NHEJ1: variants seen among roughly 807,000 people sequenced by gnomAD.
The protein encoded by NHEJ1 is non-homologous end-joining factor 1.
Under a neutral mutation model 39.4 loss-of-function variants are expected in NHEJ1, and 22 were observed. The ratio of observed to expected loss-of-function variants is 0.56; its 90% CI spans 0.40 to 0.80. The LOEUF (loss-of-function observed/expected upper bound fraction) is 0.80. Ranked by LOEUF, NHEJ1 falls within the 30% of genes least tolerant of loss-of-function variation. The pLI is 0.00. For missense variants in NHEJ1, 329 were observed against 357.1 expected (o/e 0.92, Z 0.63); for synonymous variants, 154 against 135.6 (o/e 1.14, Z -0.94).
In NHEJ1 at chr2:219,079,313, C is replaced by T. The variant is rs375835368; in HGVS notation, c.589-1107G>A. Among the ~76,000 whole-genome samples, 240 of 152,278 alleles carry T rather than the reference C, an allele frequency of 1.6e-3. 2 individuals are homozygous for T. Among genetic ancestry groups the T allele is most frequent in the African/African-American group, 5.6e-3 (231 of 41,536 alleles). Reference sequence around the variant, plus strand: ...AGCAGGTCCCCAAGAGCAGCCATGCCAGCAGCTCACATGAGAACCAACCCA... The same window carrying T: ...AGCAGGTCCCCAAGAGCAGCCATGCTAGCAGCTCACATGAGAACCAACCCA... On this transcript the variant is annotated intron_variant, in intron 5 of 7. Coordinates refer to ENST00000356853, the MANE Select transcript of NHEJ1 (RefSeq NM_024782.3).
At chr2:219,126,878 A>C (rs1037258368) in intron 5 of NHEJ1, among the ~76,000 whole-genome samples, 1 of 152,262 alleles carries the variant, frequency 6.6e-6, no homozygotes. Context: ...GGCATGTGCC[A>C]AGGACTAGAG....
At chr2:219,146,855 G>C (rs752989819) in intron 4 of NHEJ1, 117 bp from the exon 5 acceptor site, 68 of 786,782 alleles carry the variant, frequency 8.6e-5, no homozygotes, top group Non-Finnish European at 1.3e-4. Flanking sequence ...GCATCATGCA[G>C]AGACACCTAG....
chr2:219,072,281 A>G lies in NHEJ1; in HGVS notation c.*4100T>C, dbSNP rs891707532. 1.3e-5 allele frequency among the ~76,000 whole-genome samples: 2 copies of G among 152,184 alleles called. No homozygotes were observed. Among genetic ancestry groups the G allele is most frequent in the East Asian group, 3.9e-4 (2 of 5,192 alleles). ...ATGCAGCTGGGAACCCCCCTCCTAT[A>G]AAGTATGGGCTTCCTTCTCTTCCTG... On this transcript the variant is annotated 3_prime_UTR_variant, in exon 8 of 8. Coordinates refer to ENST00000356853, the MANE Select transcript of NHEJ1 (RefSeq NM_024782.3).
chr2:219,155,141 A>G (rs938023565), intron 3 of NHEJ1, among the ~76,000 whole-genome samples: 2 of 151,752 alleles, frequency 1.3e-5, no homozygotes, highest in Non-Finnish European at 2.9e-5. Context: ...TTCTAGGTCC[A>G]TGTAATGCAA....
chr2:219,133,923 C>T (rs965733787), intron 5 of NHEJ1, among the ~76,000 whole-genome samples: 13 of 152,242 alleles, frequency 8.5e-5, no homozygotes, highest in Admixed American at 4.6e-4. Context: ...TTCCCTTCAT[C>T]GGCATAAGTT....
intron 5 of NHEJ1, chr2:219,125,632 G>A (rs1574727302): frequency 6.6e-6 from 1 of 152,308 alleles, no homozygotes; most frequent in East Asian, 1.9e-4. Flanking sequence ...GACAAAGAGT[G>A]TCTGGGTCCT....
At chr2:219,159,508 TAA>T (rs1231660392) in intron 1 of NHEJ1, among the ~76,000 whole-genome samples, 1 of 98,070 alleles carries the variant, frequency 1.0e-5, no homozygotes, top group Non-Finnish European at 2.5e-5. Context: ...ACTTGTGACA[TAA>T]CTTTATATAT....
rs1430712125 is a variant in NHEJ1 at position 219,146,721 on chromosome 2, GT to G, written c.546del (p.Glu182AspfsTer13). On this transcript the variant is annotated frameshift_variant, in exon 5 of 8. Transcript: ENST00000356853. LOFTEE classifies it high-confidence loss of function. ...TCCAAGAAGGAATTTTCTTCAAATG[GT>G]TCTGTCTTCAATCGATCTGTAATAA... ...ATLIRDRLKTEPFEENSFLEQ... is the reference protein window; with the variant it reads ...ATLIRDRLKTXPFEENSFLEQ... 1.9e-6 allele frequency: 3 copies of G among 1,610,898 alleles called. No homozygotes were observed. The highest frequency in any genetic ancestry group is 2.5e-6 in the Non-Finnish European group (3 of 1,177,194).
rs1949022269 is a variant in NHEJ1, at chr2:219,077,261, A to C, written c.810T>G (p.Pro270=). ...LVSSAPTLSA[P]EKESTGTSGP... ...CATGACTCACCGTGGACTCTTTCTC[A>C]GGTGCTGAGAGGGTTGGGGCTGAGG... Residue 270 remains proline, a synonymous_variant, in exon 7 of 8, where the codon CCT becomes CCG. Coordinates refer to ENST00000356853, the MANE Select transcript of NHEJ1 (RefSeq NM_024782.3). The C allele has an allele frequency of 2.5e-6, 4 of 1,613,306 alleles. No individual in the cohort carries two copies. The highest frequency in any genetic ancestry group is 3.4e-6 in the Non-Finnish European group (4 of 1,179,324).
chr2:219,152,963 C>T (rs761116105), intron 3 of NHEJ1, among the ~76,000 whole-genome samples: 3 of 151,946 alleles, frequency 2.0e-5, no homozygotes, highest in Middle Eastern at 3.4e-3. Flanking sequence ...CCACCATGCC[C>T]GGCTAATTTT....
At chr2:219,147,570 C>T (rs536694394) in intron 4 of NHEJ1, 87 bp downstream of exon 4, 6 of 1,551,470 alleles carry the variant, frequency 3.9e-6, no homozygotes, top group Non-Finnish European at 1.8e-6. Flanking sequence ...AGGCACTTCT[C>T]TAATGCAAAT....
chr2:219,160,343 AC>A (rs1346384613), intron 1 of NHEJ1, among the ~76,000 whole-genome samples: 1 of 151,730 alleles, frequency 6.6e-6, no homozygotes, highest in East Asian at 1.9e-4. Flanking sequence ...CCATAGCCCC[AC>A]CCCAGGAGCC....
intron 1 of NHEJ1, among the ~76,000 whole-genome samples, chr2:219,159,596 T>TGC (rs1156304759): frequency 9.9e-5 from 14 of 140,972 alleles, no homozygotes; most frequent in Non-Finnish European, 2.0e-4. Flanking sequence ...TGCATATATA[T>TGC]ATATGCATAT....
chr2:219,134,542 A>G (rs1365215740), intron 5 of NHEJ1, among the ~76,000 whole-genome samples: 1 of 151,826 alleles, frequency 6.6e-6, no homozygotes, highest in South Asian at 2.1e-4. Context: ...ACTATTCCCC[A>G]TATCTCAATC....
chr2:219,126,825 A>T (rs1949528003), intron 5 of NHEJ1, among the ~76,000 whole-genome samples: 1 of 152,268 alleles, frequency 6.6e-6, no homozygotes. Flanking sequence ...AATGAACAGG[A>T]GTTACCCAAG....
intron 5 of NHEJ1, among the ~76,000 whole-genome samples, chr2:219,125,238 G>A (rs939904490): frequency 1.3e-5 from 2 of 152,030 alleles, no homozygotes; most frequent in Non-Finnish European, 2.9e-5. Context: ...GAGAAGCAAC[G>A]CAGCTTGAGT....
intron 1 of NHEJ1, among the ~76,000 whole-genome samples, chr2:219,159,580 TATATATGCATATATATATATGC>T (rs1949905623): frequency 8.4e-6 from 1 of 118,900 alleles, no homozygotes; most frequent in African/African-American, 4.7e-5. Flanking sequence ...TATATGCATA[TATATATGCATATATATATATGC>T]ATATATATAC....
intron 5 of NHEJ1, among the ~76,000 whole-genome samples, chr2:219,083,140 T>C (rs1459587708): frequency 2.6e-5 from 4 of 152,240 alleles, no homozygotes; most frequent in African/African-American, 9.6e-5. Flanking sequence ...GCTGGGAATA[T>C]GGTAGTGAAC....
intron 5 of NHEJ1, among the ~76,000 whole-genome samples, chr2:219,119,286 A>G: frequency 6.6e-6 from 1 of 152,240 alleles, no homozygotes; most frequent in East Asian, 1.9e-4. Flanking sequence ...AAAGAGGCTC[A>G]CAGAATGAGA....
Sources: allele counts gnomAD v4.1 joint callset (sites outside exome capture counted in the v4.1 genomes callset), GRCh38; gene constraint gnomAD v4.1.1; transcripts MANE v1.5; gene names NCBI Gene and HGNC (gene_info 2026-07-23, HGNC 2026-07-21).